The following COL5A1 variants were observed in gnomAD, a reference collection of about 807,000 sequenced individuals.
The protein encoded by COL5A1 is collagen type V alpha 1 chain.
Under a neutral mutation model 263.7 loss-of-function variants are expected in COL5A1, and 16 were observed. The observed-to-expected ratio is 0.06, with a 90% CI of 0.04 to 0.09. The LOEUF (loss-of-function observed/expected upper bound fraction) is 0.09. COL5A1 is among the 10% of genes least tolerant of loss of function. COL5A1 has a pLI of 1.00. For synonymous variants in COL5A1, 1,012 were observed against 1,004.5 expected (o/e 1.01, Z -0.14); for missense variants, 2,036 against 2,540.5 (o/e 0.80, Z 4.27).
rs919169437 is a variant in COL5A1 at position 134,757,376 on chromosome 9, C to A, written c.1881+558C>A. 6.6e-6 allele frequency among the ~76,000 whole-genome samples: 1 copy of A among 152,134 alleles called. No homozygotes were observed. The highest frequency in any genetic ancestry group is 6.5e-5 in the Admixed American group (1 of 15,272). ...CCGGTCTTGGCTCACCCCTCCTCCT[C>A]GCCTCTTGGAAGCATTTGTCCCAGG... On this transcript the variant is annotated intron_variant, in intron 17 of 65. Coordinates refer to ENST00000371817, the MANE Select transcript of COL5A1 (RefSeq NM_000093.5). The surrounding 1 kb of genome is among the most constrained non-coding windows in gnomAD (Gnocchi z 6.2).
At chr9:134,827,321 A>G (rs1400247595) in intron 63 of COL5A1, among the ~76,000 whole-genome samples, 1 of 152,232 alleles carries the variant, frequency 6.6e-6, no homozygotes, top group Non-Finnish European at 1.5e-5. Flanking sequence ...TGGAGGCTGC[A>G]CATGGCTGGA....
intron 1 of COL5A1, among the ~76,000 whole-genome samples, chr9:134,684,525 C>T (rs1369063313): frequency 6.6e-6 from 1 of 152,266 alleles, no homozygotes; most frequent in Non-Finnish European, 1.5e-5. Context: ...TGCTGGGCCA[C>T]ATTAGTCCAC....
At chr9:134,760,124 AC>A (rs1322303955) in intron 18 of COL5A1, among the ~76,000 whole-genome samples, 1 of 96,768 alleles carries the variant, frequency 1.0e-5, no homozygotes, top group Non-Finnish European at 2.0e-5. Context: ...ACGCCCACAC[AC>A]CCCCACACTC....
intron 32 of COL5A1, among the ~76,000 whole-genome samples, chr9:134,792,871 G>A (rs1173501092): frequency 3.1e-5 from 1 of 32,510 alleles, no homozygotes; most frequent in Non-Finnish European, 7.9e-5. Flanking sequence ...GTGTGCGCGC[G>A]TTTGTGCACA....
chr9:134,710,022 C>T (rs562552945), intron 4 of COL5A1, among the ~76,000 whole-genome samples: 5 of 152,292 alleles, frequency 3.3e-5, no homozygotes, highest in Admixed American at 1.3e-4. Flanking sequence ...GGCCCACGAA[C>T]GTGATGTCCT....
intron 1 of COL5A1, among the ~76,000 whole-genome samples, chr9:134,666,253 C>T (rs1359615632): frequency 1.3e-5 from 2 of 152,220 alleles, no homozygotes; most frequent in Non-Finnish European, 2.9e-5. Flanking sequence ...TTCATCCACT[C>T]ATTTTACAGG....
intron 2 of COL5A1, among the ~76,000 whole-genome samples, chr9:134,697,469 T>G (rs754716951): frequency 3.3e-5 from 5 of 152,164 alleles, no homozygotes; most frequent in Admixed American, 2.6e-4. Context: ...CTTTGATCTT[T>G]TAAGACGGAA....
At chr9:134,702,797 C>T (rs532326195) in intron 4 of COL5A1, among the ~76,000 whole-genome samples, 2 of 152,280 alleles carry the variant, frequency 1.3e-5, no homozygotes, top group African/African-American at 2.4e-5. Flanking sequence ...ATTTGGGCCT[C>T]GGGCAAGCTG....
chr9:134,804,372 T>C (rs1265025320), intron 39 of COL5A1, among the ~76,000 whole-genome samples: 1 of 140,960 alleles, frequency 7.1e-6, no homozygotes, highest in Non-Finnish European at 1.7e-5. Flanking sequence ...AGGGGTGACT[T>C]TTTTTCAGAA....
chr9:134,756,981 G>T (rs959766013), intron 17 of COL5A1, among the ~76,000 whole-genome samples, 163 bp downstream of exon 17: 5 of 152,210 alleles, frequency 3.3e-5, no homozygotes, highest in South Asian at 2.1e-4. Flanking sequence ...GGTGAATTTC[G>T]CCAGCAAGCG....
intron 1 of COL5A1, among the ~76,000 whole-genome samples, chr9:134,668,669 C>T (rs1832429698): frequency 6.6e-6 from 1 of 152,068 alleles, no homozygotes; most frequent in Non-Finnish European, 1.5e-5. Flanking sequence ...TCCAATCAGA[C>T]ACCCACTCAC....
intron 3 of COL5A1, 107 bp from the exon 4 acceptor site, chr9:134,701,064 C>T (rs1407949995): frequency 2.3e-5 from 26 of 1,150,396 alleles, no homozygotes; most frequent in East Asian, 1.2e-4. Context: ...CCACCACGAT[C>T]GTGCAGGAAG....
At chr9:134,795,354 C>G (rs1171014865) in intron 34 of COL5A1, 39 bp downstream of exon 34, 1 of 1,601,562 alleles carries the variant, frequency 6.2e-7, no homozygotes, top group East Asian at 2.2e-5. Context: ...CGGCGTGAAC[C>G]CAAGTTGCAA....
At chr9:134,707,439 C>T (rs1833874456) in intron 4 of COL5A1, among the ~76,000 whole-genome samples, 1 of 152,182 alleles carries the variant, frequency 6.6e-6, no homozygotes, top group Non-Finnish European at 1.5e-5. Flanking sequence ...CCTGGCTTTT[C>T]CACTGACATG....
At chr9:134,646,140 T>A (rs1831467407) in intron 1 of COL5A1, among the ~76,000 whole-genome samples, 1 of 152,210 alleles carries the variant, frequency 6.6e-6, no homozygotes, top group Admixed American at 6.5e-5. Context: ...TGAAGGCTTT[T>A]GCCTTTTCAC....
chr9:134,763,367 C>A (rs1836540553), intron 19 of COL5A1, among the ~76,000 whole-genome samples: 1 of 152,318 alleles, frequency 6.6e-6, no homozygotes, highest in South Asian at 2.1e-4. Context: ...GATGCCCTGT[C>A]CTGCCCCAGA....
In COL5A1 at chr9:134,642,156, C is replaced by T; in HGVS notation, c.-32C>T. The T allele has an allele frequency of 1.6e-6, 2 of 1,244,840 alleles. No individual in the cohort carries two copies. The allele number at this position is 1,244,840 out of a possible 1,614,324, so 77.1% of individuals were successfully genotyped here. On this transcript the variant is annotated 5_prime_UTR_variant, in exon 1 of 66. Coordinates refer to ENST00000371817, the MANE Select transcript of COL5A1 (RefSeq NM_000093.5). This position sits in a 1 kb window ranked among gnomAD's most constrained non-coding sequence, Gnocchi z 4.5. ...GTGCGTCCCCGCGCGCCTCCGAGCG[C>T]CCCTGTGCGCCCCGGCCCGCGCCCC...
chr9:134,733,252 C>G (rs928961544), intron 9 of COL5A1, among the ~76,000 whole-genome samples: 1 of 152,210 alleles, frequency 6.6e-6, no homozygotes, highest in East Asian at 1.9e-4. Context: ...TCTCTTGGAA[C>G]CTTGACGGAT....
intron 31 of COL5A1, among the ~76,000 whole-genome samples, chr9:134,788,337 C>A (rs1370623676): frequency 7.0e-6 from 1 of 143,512 alleles, no homozygotes; most frequent in African/African-American, 2.6e-5. Context: ...TATAGGTAGG[C>A]AAATCGATGG....
Sources: allele counts gnomAD v4.1 joint callset (sites outside exome capture counted in the v4.1 genomes callset), GRCh38; gene constraint gnomAD v4.1.1; non-coding constraint Gnocchi (gnomAD v3.1); transcripts MANE v1.5; gene names NCBI Gene and HGNC (gene_info 2026-07-23, HGNC 2026-07-21).